Variants in TIAM2 observed in about 807,000 individuals in gnomAD.
TIAM2 encodes the protein rho guanine nucleotide exchange factor TIAM2.
In TIAM2, 80 loss-of-function variants were observed where a neutral mutation model predicts 152.9. That is an observed-to-expected ratio of 0.52 (90% CI 0.44 to 0.63). The LOEUF is 0.63. Among genes scored for constraint, TIAM2 ranks in the 30% least tolerant of loss-of-function variants. TIAM2 has a pLI of 0.00. For synonymous variants in TIAM2, 804 were observed against 838.0 expected (o/e 0.96, Z 0.70); for missense variants, 1,965 against 2,120.1 (o/e 0.93, Z 1.44).
intron 14 of TIAM2, among the ~76,000 whole-genome samples, chr6:155,200,418 C>T (rs913512639): frequency 7.9e-5 from 12 of 152,130 alleles, no homozygotes; most frequent in Non-Finnish European, 1.8e-4. Context: ...TAATTTCTCT[C>T]CTGTAATATC....
At chr6:155,253,944 G>C (rs773111245) in intron 24 of TIAM2, 29 bp from the exon 25 acceptor site, 2 of 1,586,458 alleles carry the variant, frequency 1.3e-6, no homozygotes, top group African/African-American at 1.4e-5. Flanking sequence ...CAAAGTTGTA[G>C]ACTCTTGTTT....
At chr6:155,109,122 TA>T (rs1778770293) in intron 2 of TIAM2, among the ~76,000 whole-genome samples, 1 of 152,136 alleles carries the variant, frequency 6.6e-6, no homozygotes, top group East Asian at 1.9e-4. Flanking sequence ...TAGCTGGGAC[TA>T]CAGGCGCCCA....
chr6:155,136,964 T>C (rs1489765080), intron 4 of TIAM2, among the ~76,000 whole-genome samples: 3 of 152,258 alleles, frequency 2.0e-5, no homozygotes, highest in Non-Finnish European at 1.5e-5. Context: ...CTTTAAGTGC[T>C]AATTCTACTG....
At chr6:155,104,034 A>ACCCCCCCCCCCCCCCCCCCC (rs1278008998) in intron 2 of TIAM2, among the ~76,000 whole-genome samples, 1 of 95,956 alleles carries the variant, frequency 1.0e-5, no homozygotes, top group Admixed American at 1.1e-4. Flanking sequence ...TACCTCACAC[A>ACCCCCCCCCCCCCCCCCCCC]CACACACCCC....
At chr6:155,109,776 G>C (rs1778791911) in intron 2 of TIAM2, among the ~76,000 whole-genome samples, 1 of 152,038 alleles carries the variant, frequency 6.6e-6, no homozygotes. Context: ...CCACAGAGAT[G>C]GTTAGTTACC....
chr6:155,115,601 C>T (rs1040759926), intron 2 of TIAM2, among the ~76,000 whole-genome samples: 14 of 152,172 alleles, frequency 9.2e-5, no homozygotes, highest in Non-Finnish European at 2.1e-4. Context: ...TACAGTGAGC[C>T]GTGATCACAC....
chr6:155,143,103 G>A (rs1312704079), intron 5 of TIAM2, among the ~76,000 whole-genome samples: 2 of 152,198 alleles, frequency 1.3e-5, no homozygotes, highest in African/African-American at 4.8e-5. Flanking sequence ...CTGTCAATGT[G>A]AAAGGCACTT....
intron 5 of TIAM2, among the ~76,000 whole-genome samples, chr6:155,144,273 C>T (rs1476190808): frequency 6.6e-6 from 1 of 152,188 alleles, no homozygotes; most frequent in Non-Finnish European, 1.5e-5. Context: ...TTTTGGGTCA[C>T]AGTAGAATGG....
chr6:155,221,103 T>C (rs1468745704), intron 15 of TIAM2, among the ~76,000 whole-genome samples: 1 of 116,972 alleles, frequency 8.5e-6, no homozygotes, highest in Non-Finnish European at 1.6e-5. Flanking sequence ...CTTTTCTCTT[T>C]CATCTTGTTT....
chr6:155,227,570 A>T (rs1782292696), intron 15 of TIAM2, among the ~76,000 whole-genome samples: 1 of 152,214 alleles, frequency 6.6e-6, no homozygotes, highest in African/African-American at 2.4e-5. Flanking sequence ...CTGCGTGTAG[A>T]AGAAAGGGGA....
At chr6:155,065,012 G>A (rs1315335848) in intron 1 of TIAM2, among the ~76,000 whole-genome samples, 1 of 152,148 alleles carries the variant, frequency 6.6e-6, no homozygotes, top group Non-Finnish European at 1.5e-5. Context: ...CTGGAGTGCA[G>A]TGGTGCAATC....
At position 155,029,455 on chromosome 6, in the gene TIAM2, T is replaced by TTATACTATAG; in HGVS notation, c.-209+33967_-209+33968insCTATAGTATA. On this transcript the variant is annotated intron_variant, in intron 1 of 26. Coordinates refer to ENST00000682666, the MANE Select transcript of TIAM2 (RefSeq NM_012454.4). ...AGTATATATTATACTATAGTATATA[T>TTATACTATAG]TATATATAATATATACTATAGTATA... Among the ~76,000 whole-genome samples the TTATACTATAG allele has an allele frequency of 3.1e-3, 128 of 41,756 alleles. 38 individuals carry two copies. The highest frequency in any genetic ancestry group is 4.6e-3 in the Non-Finnish European group (109 of 23,462). 27.4% of individuals were successfully genotyped at this position (41,756 alleles called of 152,430 possible). A position where few individuals can be genotyped will look rare whatever the true frequency, so the allele number is the denominator to read the frequency against.
At chr6:155,176,275 C>T (rs1266890465) in intron 9 of TIAM2, among the ~76,000 whole-genome samples, 3 of 152,298 alleles carry the variant, frequency 2.0e-5, no homozygotes, top group East Asian at 3.9e-4. Context: ...ACTCTGTTGC[C>T]CAGGCTGGAG....
Position 155,254,027 on chromosome 6 carries a change from G to T in TIAM2, c.4280G>T (p.Gly1427Val). ...ATCCATACGAAGTCAGAAATAGAAG[G>T]ACGGCCAGAAACCATCTTTCAGTTG... The part of the protein sequence containing the change: ...ELIHTKSEIE[G>V]RPETIFQLCC... Residue 1427 changes from glycine (G) to valine (V), a missense_variant, in exon 25 of 27, where the codon GGA becomes GTA. By Grantham distance (109) the Gly-to-Val change is moderately radical. Around this residue, in one of 3 missense-constraint regions of TIAM2, gnomAD observed 935 missense variants for 980.0 expected, o/e 0.95. Transcript: ENST00000682666. 6.2e-7 allele frequency: 1 copy of T among 1,614,092 alleles called. No homozygotes were observed. The highest frequency in any genetic ancestry group is 8.5e-7 in the Non-Finnish European group (1 of 1,180,002).
intron 2 of TIAM2, among the ~76,000 whole-genome samples, chr6:155,098,782 T>A (rs1275280375): frequency 6.6e-6 from 1 of 152,282 alleles, no homozygotes; most frequent in Non-Finnish European, 1.5e-5. Context: ...GAATTAGTTT[T>A]AAATCCACAT....
intron 9 of TIAM2, among the ~76,000 whole-genome samples, chr6:155,170,306 G>A (rs1028674882): frequency 7.8e-6 from 1 of 127,602 alleles, no homozygotes; most frequent in Admixed American, 7.5e-5. Flanking sequence ...ATCTCTTCCA[G>A]CATTATATAA....
In TIAM2 at chr6:155,257,328, A is replaced by T. The variant is rs1381363645; in HGVS notation, c.*207A>T. 7.8e-5 allele frequency: 46 copies of T among 591,020 alleles called. No homozygotes were observed. The highest frequency in any genetic ancestry group is 1.3e-4 in the Non-Finnish European group (44 of 346,214). The allele number at this position is 591,020 out of a possible 1,614,324, so 36.6% of individuals were successfully genotyped here. A position where few individuals can be genotyped will look rare whatever the true frequency, so the allele number is the denominator to read the frequency against. On this transcript the variant is annotated 3_prime_UTR_variant, in exon 27 of 27. Coordinates refer to ENST00000682666, the MANE Select transcript of TIAM2 (RefSeq NM_012454.4). Reference sequence around the variant, plus strand: ...TAGATGAAACTGGTCAGAATCTGTAAATTACTTAGTTTATATCCACTTTGA... The same window carrying T: ...TAGATGAAACTGGTCAGAATCTGTATATTACTTAGTTTATATCCACTTTGA...
At chr6:155,050,819 C>G (rs1777302460) in intron 1 of TIAM2, among the ~76,000 whole-genome samples, 1 of 152,196 alleles carries the variant, frequency 6.6e-6, no homozygotes, top group South Asian at 2.1e-4. Context: ...GTGTAGGCAT[C>G]TATTTTATTC....
chr6:155,053,916 G>T (rs993478652), intron 1 of TIAM2, among the ~76,000 whole-genome samples: 3 of 152,166 alleles, frequency 2.0e-5, no homozygotes, highest in Non-Finnish European at 4.4e-5. Context: ...GGTGACTCTT[G>T]CCTGTAATCC....
Sources: gnomAD v4.1 joint callset for allele counts (sites outside exome capture counted in the v4.1 genomes callset) on GRCh38, gnomAD v4.1.1 for gene constraint, gnomAD v4.1.1 regional missense constraint, MANE v1.5 for transcripts, NCBI Gene and HGNC (gene_info 2026-07-23, HGNC 2026-07-21) for gene names.